EPHB1: variants seen among roughly 807,000 people sequenced by gnomAD.
EPHB1 encodes the protein EPH receptor B1, also known as ephrin type-B receptor 1.
In EPHB1, 30 loss-of-function variants were observed where a neutral mutation model predicts 94.4. That is an observed-to-expected ratio of 0.32 (90% CI 0.24 to 0.43). EPHB1 has a LOEUF of 0.43. EPHB1 is among the 20% of genes least tolerant of loss of function. The probability of loss-of-function intolerance (pLI) is 1.00; values close to 1 mark genes in which losing one functional copy is unlikely to be tolerated. For missense variants in EPHB1, 1,055 were observed against 1,308.3 expected (o/e 0.81, Z 2.99); for synonymous variants, 522 against 489.1 (o/e 1.07, Z -0.89).
chr3:134,816,770 A>G (rs1234401844), intron 1 of EPHB1, among the ~76,000 whole-genome samples: 1 of 151,868 alleles, frequency 6.6e-6, no homozygotes, highest in Non-Finnish European at 1.5e-5. Context: ...TGTTCTAAGC[A>G]GCTTAGAAAA....
intron 3 of EPHB1, among the ~76,000 whole-genome samples, chr3:134,967,664 A>G (rs534208696): frequency 3.5e-4 from 54 of 152,260 alleles, no homozygotes; most frequent in African/African-American, 1.3e-3. Context: ...TAGCACCTTG[A>G]CCTTGGAACT....
chr3:134,839,813 A>G (rs1447034062), intron 1 of EPHB1, among the ~76,000 whole-genome samples: 1 of 152,038 alleles, frequency 6.6e-6, no homozygotes, highest in Non-Finnish European at 1.5e-5. Context: ...GGGAGTGGAA[A>G]AGTTTCTAGG....
intron 12 of EPHB1, among the ~76,000 whole-genome samples, chr3:135,224,835 G>C (rs1246971324): frequency 3.9e-5 from 6 of 152,140 alleles, no homozygotes; most frequent in Non-Finnish European, 7.3e-5. Flanking sequence ...CCAACCTAAT[G>C]ACATTTTGAA....
At chr3:134,807,282 G>A (rs1380135576) in intron 1 of EPHB1, among the ~76,000 whole-genome samples, 2 of 152,174 alleles carry the variant, frequency 1.3e-5, no homozygotes, top group African/African-American at 4.8e-5. Flanking sequence ...ACTGTACTCG[G>A]AACTGAAAAC....
chr3:135,115,763 G>C (rs1466170737), intron 4 of EPHB1, among the ~76,000 whole-genome samples: 2 of 152,082 alleles, frequency 1.3e-5, no homozygotes, highest in Non-Finnish European at 2.9e-5. Flanking sequence ...CCCAGAATGA[G>C]GATATTGTTT....
At chr3:134,887,807 G>C (rs2037890104) in intron 1 of EPHB1, among the ~76,000 whole-genome samples, 3 of 152,184 alleles carry the variant, frequency 2.0e-5, no homozygotes, top group African/African-American at 7.2e-5. Flanking sequence ...ATCAATATTA[G>C]AGTAATCATC....
intron 13 of EPHB1, among the ~76,000 whole-genome samples, chr3:135,245,590 G>A (rs1449558683): frequency 7.3e-5 from 11 of 150,644 alleles, no homozygotes; most frequent in South Asian, 4.2e-4. Flanking sequence ...GGAGGATCAC[G>A]GGGTCAAGAG....
chr3:134,906,015 A>G (rs2038316565), intron 1 of EPHB1, among the ~76,000 whole-genome samples: 1 of 152,200 alleles, frequency 6.6e-6, no homozygotes, highest in Non-Finnish European at 1.5e-5. Flanking sequence ...CTCTTCCGAG[A>G]GCCCAGGGCC....
chr3:134,884,457 C>T (rs775282356), intron 1 of EPHB1, among the ~76,000 whole-genome samples: 7 of 152,142 alleles, frequency 4.6e-5, no homozygotes, highest in Non-Finnish European at 1.0e-4. Context: ...GCCAAAGCTG[C>T]TCAGATGCCA....
At chr3:134,867,990 A>G (rs891673666) in intron 1 of EPHB1, among the ~76,000 whole-genome samples, 2 of 152,166 alleles carry the variant, frequency 1.3e-5, no homozygotes, top group African/African-American at 4.8e-5. Flanking sequence ...CTAAGCATGA[A>G]GTTCAGGGAG....
At chr3:135,205,450 T>A (rs1576468036) in intron 12 of EPHB1, among the ~76,000 whole-genome samples, 1 of 152,338 alleles carries the variant, frequency 6.6e-6, no homozygotes, top group Middle Eastern at 3.4e-3. Context: ...AACATTCATG[T>A]AATAGCTATG....
At chr3:135,200,804 G>A (rs963880800) in intron 11 of EPHB1, among the ~76,000 whole-genome samples, 2 of 152,168 alleles carry the variant, frequency 1.3e-5, no homozygotes, top group African/African-American at 4.8e-5. Flanking sequence ...TTGGGGGGGA[G>A]TTAAAGGGAT....
chr3:134,841,364 A>G (rs1397788439), intron 1 of EPHB1: 2 of 152,138 alleles, frequency 1.3e-5, no homozygotes, highest in African/African-American at 4.8e-5. Context: ...TGCTGGTGTC[A>G]CTGTTGTCCC....
chr3:135,023,412 C>A (rs1367187677), intron 3 of EPHB1, among the ~76,000 whole-genome samples: 1 of 152,154 alleles, frequency 6.6e-6, no homozygotes, highest in Non-Finnish European at 1.5e-5. Flanking sequence ...TCCTTGGCCT[C>A]TATTCATTAG....
intron 9 of EPHB1, among the ~76,000 whole-genome samples, chr3:135,178,381 A>ACG (rs548813091): frequency 0.016 from 2,363 of 148,162 alleles, 25 homozygotes; most frequent in Middle Eastern, 0.035. Flanking sequence ...GCTTGAACCC[A>ACG]GGAGGTGAAG....
chr3:135,180,024 A>T, intron 10 of EPHB1, 42 bp downstream of exon 10: 1 of 1,611,112 alleles, frequency 6.2e-7, no homozygotes, highest in Non-Finnish European at 8.5e-7. Context: ...CCTGGTGTCC[A>T]AACATCTTCT....
At chr3:135,002,061 T>C (rs1417270800) in intron 3 of EPHB1, among the ~76,000 whole-genome samples, 4 of 152,190 alleles carry the variant, frequency 2.6e-5, no homozygotes, top group Non-Finnish European at 5.9e-5. Flanking sequence ...CAAAATGTGG[T>C]ATATATATTG....
chr3:134,831,537 G>A (rs2036581438), intron 1 of EPHB1, among the ~76,000 whole-genome samples: 2 of 152,212 alleles, frequency 1.3e-5, no homozygotes, highest in Middle Eastern at 3.4e-3. Flanking sequence ...CCCACCCCTC[G>A]GATGCCTCCT....
chr3:134,948,367 G>A lies in EPHB1; in HGVS notation c.124-3004G>A, dbSNP rs551691483. 7.9e-5 allele frequency among the ~76,000 whole-genome samples: 12 copies of A among 151,826 alleles called. 1 individual carries two copies. In the South Asian group the frequency reaches 2.1e-3, roughly 26 times the overall value. ...AAATTTCCTTTCCTCAAGTCATGTAGGGTCAACTGAGAAAATGCTGTTTTA... is the reference window on the plus strand; with the variant it reads ...AAATTTCCTTTCCTCAAGTCATGTAAGGTCAACTGAGAAAATGCTGTTTTA... On this transcript the variant is annotated intron_variant, in intron 2 of 15. Transcript: ENST00000398015.
Sources: gnomAD v4.1 joint callset for allele counts (sites outside exome capture counted in the v4.1 genomes callset) on GRCh38, gnomAD v4.1.1 for gene constraint, MANE v1.5 for transcripts, NCBI Gene and HGNC (gene_info 2026-07-23, HGNC 2026-07-21) for gene names.